The following SYNE1 variants were observed in gnomAD, a reference collection of about 807,000 sequenced individuals.
SYNE1 encodes the protein spectrin repeat containing nuclear envelope protein 1.
In SYNE1, 616 loss-of-function variants were observed where a neutral mutation model predicts 1,111.0. The observed-to-expected ratio is 0.55, with a 90% confidence interval of 0.52 to 0.59. The LOEUF (loss-of-function observed/expected upper bound fraction) is 0.59. Among genes scored for constraint, SYNE1 ranks in the 20% least tolerant of loss-of-function variants. The pLI is 0.00. For missense variants in SYNE1, 10,006 were observed against 10,417.0 expected, an observed-to-expected ratio of 0.96 and a Z score of 1.72; for synonymous variants, 3,855 against 3,825.8, an observed-to-expected ratio of 1.01 and a Z score of -0.28.
chr6:152,307,855 A>G (rs2095425088), intron 91 of SYNE1, among the ~76,000 whole-genome samples: 1 of 145,026 alleles, frequency 6.9e-6, no homozygotes, highest in Non-Finnish European at 1.5e-5. Flanking sequence ...TTTGTTTGAG[A>G]CTGAGTCTCA....
At chr6:152,332,357 C>T (rs1220580745) in intron 77 of SYNE1, among the ~76,000 whole-genome samples, 1 of 152,176 alleles carries the variant, frequency 6.6e-6, no homozygotes, top group Non-Finnish European at 1.5e-5. Flanking sequence ...GACAGAAGTG[C>T]TATAATTATG....
intron 74 of SYNE1, among the ~76,000 whole-genome samples, chr6:152,342,508 G>C (rs1021263689): frequency 6.6e-6 from 1 of 152,148 alleles, no homozygotes; most frequent in Non-Finnish European, 1.5e-5. Context: ...GTGAACCATT[G>C]AATGACAATG....
intron 3 of SYNE1, among the ~76,000 whole-genome samples, chr6:152,541,565 G>T (rs1462266257): frequency 6.6e-6 from 1 of 151,830 alleles, no homozygotes; most frequent in Admixed American, 6.6e-5. Flanking sequence ...TGGCTAACAC[G>T]GTGAAACCCT....
In SYNE1 at chr6:152,407,030, A is replaced by G. The variant is rs2097912127; in HGVS notation, c.6707T>C (p.Leu2236Pro). 6.2e-7 allele frequency: 1 copy of G among 1,613,552 alleles called. No homozygotes were observed. Among genetic ancestry groups the G allele is most frequent in the African/African-American group, 1.3e-5 (1 of 74,750 alleles). The change falls in exon 45 of 146, where the codon CTG becomes CCG. Residue 2236 changes from leucine to proline, a missense_variant. Physicochemically the swap from Leu to Pro is moderately conservative, Grantham distance 98. Transcript: ENST00000367255. ...NLDNHLRAEE[L>P]LKEFESEVKN... Reference sequence around the variant, plus strand: ...TCAATTTACCTCAAATTCTTTAAGCAGTTCTTCAGCTCTGAGGTGGTTATC... The same window carrying G: ...TCAATTTACCTCAAATTCTTTAAGCGGTTCTTCAGCTCTGAGGTGGTTATC...
At chr6:152,198,739 A>C (rs867234058) in intron 127 of SYNE1, among the ~76,000 whole-genome samples, 1 of 152,224 alleles carries the variant, frequency 6.6e-6, no homozygotes, top group African/African-American at 2.4e-5. Flanking sequence ...ATCAGAACAC[A>C]TGCTACATTT....
At chr6:152,629,667 T>C (rs139170837) in intron 2 of SYNE1, among the ~76,000 whole-genome samples, 1 of 151,814 alleles carries the variant, frequency 6.6e-6, no homozygotes, top group East Asian at 1.9e-4. Context: ...AGAGAAGGTA[T>C]TGCCATAAAC....
chr6:152,482,453 G>A (rs1762885184), intron 14 of SYNE1, among the ~76,000 whole-genome samples: 1 of 152,132 alleles, frequency 6.6e-6, no homozygotes, highest in African/African-American at 2.4e-5. Flanking sequence ...AGCAAATGAA[G>A]TATACAAATT....
rs1436138097 is a variant in SYNE1 at position 152,510,358 on chromosome 6, G to T, written c.416C>A (p.Thr139Asn). 16 of 1,613,688 alleles carry T rather than the reference G, an allele frequency of 9.9e-6. No homozygotes were observed. The East Asian group carries it at 3.1e-4, about 31-fold the overall frequency. ...AGACTGGAGCTGGGGCAGGTTGCTG[G>T]TCAACTCTTCAATCTGTTTGTGAGT... is the stretch of plus-strand genomic sequence containing the variant. ...IILYFQIEELTSNLPQLQSLS... is the reference protein window; with the variant it reads ...IILYFQIEELNSNLPQLQSLS... Residue 139 changes from threonine to asparagine, a missense_variant, in exon 8 of 146, where the codon ACC becomes AAC. Physicochemically the swap from Thr to Asn is moderately conservative, Grantham distance 65. Around this residue, in one of 7 missense-constraint regions of SYNE1, gnomAD observed 1,971 missense variants for 2,084.1 expected, o/e 0.95. Transcript: ENST00000367255.
intron 130 of SYNE1, among the ~76,000 whole-genome samples, chr6:152,170,780 T>C (rs767179202): frequency 2.7e-4 from 41 of 152,302 alleles, no homozygotes; most frequent in Non-Finnish European, 1.9e-4. Flanking sequence ...CTATTGAACA[T>C]ATTCTATGCT....
At chr6:152,139,879 G>C (rs898164470) in intron 140 of SYNE1, 71 bp downstream of exon 140, 151 of 1,531,784 alleles carry the variant, frequency 9.9e-5, no homozygotes, top group Non-Finnish European at 1.3e-4. Flanking sequence ...CGAACTAGAG[G>C]TGCCATCTGC....
chr6:152,133,951 G>A (rs2056458125), intron 142 of SYNE1: 1 of 178,606 alleles, frequency 5.6e-6, no homozygotes, highest in Admixed American at 5.5e-5. Flanking sequence ...TCAAAGTGAA[G>A]TAAAAATGCA....
chr6:152,331,187 G>A lies in SYNE1; in HGVS notation c.13498C>T (p.Gln4500Ter). 6.2e-7 allele frequency: 1 copy of A among 1,613,872 alleles called. No homozygotes were observed. The highest frequency in any genetic ancestry group is 8.5e-7 in the Non-Finnish European group (1 of 1,180,028). Residue 4500 changes from glutamine to a stop codon, truncating the protein, a stop_gained, in exon 78 of 146, where the codon CAA becomes TAA. Transcript: ENST00000367255. LOFTEE classifies it high-confidence loss of function. ...SKQVKTCKSA[Q>*]ASLKTYQNEV... is the part of the protein sequence containing the mutation. ...TTTTGGTAAGTCTTGAGGCTGGCTTGTGCACTCTTACATGTTTTGACTTGT... is the reference window on the plus strand; with the variant it reads ...TTTTGGTAAGTCTTGAGGCTGGCTTATGCACTCTTACATGTTTTGACTTGT...
intron 82 of SYNE1, 96 bp from the exon 83 acceptor site, chr6:152,321,982 A>T (rs775327989): frequency 2.1e-4 from 288 of 1,355,722 alleles, no homozygotes; most frequent in Non-Finnish European, 2.9e-4. Flanking sequence ...GAAATGGGAA[A>T]CCTAGTATCT....
At chr6:152,443,481 G>T (rs1469687043) in intron 30 of SYNE1, among the ~76,000 whole-genome samples, 1 of 152,094 alleles carries the variant, frequency 6.6e-6, no homozygotes, top group East Asian at 1.9e-4. Flanking sequence ...AGCCAGGATG[G>T]TCTCGATCTG....
At position 152,201,879 on chromosome 6, in the gene SYNE1, G is replaced by A. The variant is rs751252119; in HGVS notation, c.23090C>T (p.Ser7697Leu). The A allele has an allele frequency of 3.7e-6, 6 of 1,613,918 alleles. No individual in the cohort carries two copies. Among genetic ancestry groups the A allele is most frequent in the Middle Eastern group, 3.3e-4 (2 of 6,052 alleles). Residue 7697 changes from serine to leucine, a missense_variant, in exon 127 of 146, where the codon TCG becomes TTG. This residue lies in a region of SYNE1 where 2,182 missense variants were observed against 2,287.8 expected (regional missense o/e 0.95). Coordinates refer to ENST00000367255, the MANE Select transcript of SYNE1 (RefSeq NM_182961.4). ...EKLRTFKKKL[S>L]QSLPDHHEEL... is the part of the protein sequence containing the mutation. Reference sequence around the variant, plus strand: ...TTCATGGTGATCCGGGAGAGACTGCGAAAGCTTCTTTTTGAAAGTTCGTAG... The same window carrying A: ...TTCATGGTGATCCGGGAGAGACTGCAAAAGCTTCTTTTTGAAAGTTCGTAG...
chr6:152,549,032 T>C (rs914208971), intron 3 of SYNE1, among the ~76,000 whole-genome samples: 1 of 152,218 alleles, frequency 6.6e-6, no homozygotes, highest in Admixed American at 6.5e-5. Context: ...GTCTCATTTG[T>C]TACCTAGAAC....
chr6:152,385,111 T>A (rs1228681250), intron 55 of SYNE1, among the ~76,000 whole-genome samples: 13 of 152,150 alleles, frequency 8.5e-5, no homozygotes. Flanking sequence ...GGGAAAATGA[T>A]TACAATTTAA....
At chr6:152,142,423 C>A (rs1423173202) in intron 138 of SYNE1, among the ~76,000 whole-genome samples, 1 of 152,052 alleles carries the variant, frequency 6.6e-6, no homozygotes, top group Non-Finnish European at 1.5e-5. Flanking sequence ...AATATTAAAG[C>A]CAGCTGTTTT....
intron 3 of SYNE1, among the ~76,000 whole-genome samples, chr6:152,596,969 G>A (rs1200309626): frequency 6.6e-6 from 1 of 152,032 alleles, no homozygotes; most frequent in East Asian, 1.9e-4. Context: ...CATATGTCTG[G>A]GGAAAATGTG....
Sources: allele counts gnomAD v4.1 joint callset (sites outside exome capture counted in the v4.1 genomes callset), GRCh38; gene constraint gnomAD v4.1.1; regional missense constraint gnomAD v4.1.1; transcripts MANE v1.5; gene names NCBI Gene and HGNC (gene_info 2026-07-23, HGNC 2026-07-21).